Variants in GPATCH8 observed in about 807,000 individuals in gnomAD.
GPATCH8 encodes G patch domain-containing protein 8.
A neutral mutation model predicts 118.3 loss-of-function variants in GPATCH8; 18 were observed. The ratio of observed to expected loss-of-function variants is 0.15; its 90% CI spans 0.11 to 0.23. GPATCH8 has a LOEUF of 0.23. Among genes scored for constraint, GPATCH8 ranks in the 10% least tolerant of loss-of-function variants. The pLI is 1.00. For missense variants in GPATCH8, 1,631 were observed against 1,873.8 expected (o/e 0.87, Z 2.39); for synonymous variants, 659 against 684.7 (o/e 0.96, Z 0.59).
chr17:44,409,839 G>A (rs1445118351), intron 6 of GPATCH8, among the ~76,000 whole-genome samples: 10 of 152,212 alleles, frequency 6.6e-5, no homozygotes, highest in Admixed American at 4.6e-4. Flanking sequence ...AATCAACCCC[G>A]CAGTGCACAA....
chr17:44,424,055 A>C (rs887974559), intron 6 of GPATCH8, among the ~76,000 whole-genome samples: 3 of 152,244 alleles, frequency 2.0e-5, no homozygotes, highest in African/African-American at 7.2e-5. Flanking sequence ...AGTGACCCTC[A>C]GCTGAATTAC....
At position 44,467,339 on chromosome 17, in the gene GPATCH8, GA is replaced by G. The variant is rs546506712; in HGVS notation, c.121-2796del. Reference sequence around the variant, plus strand: ...AAAGCAAATGTTAAAGGGAGAGGGAGAAAAAAAAGAAAAAATTAAGGTTATA... The same window carrying G: ...AAAGCAAATGTTAAAGGGAGAGGGAGAAAAAAAGAAAAAATTAAGGTTATA... On this transcript the variant is annotated intron_variant, in intron 2 of 7. Coordinates refer to ENST00000591680, the MANE Select transcript of GPATCH8 (RefSeq NM_001002909.4). 377 of 236,660 alleles carry G rather than the reference GA, an allele frequency of 1.6e-3. 1 individual carries two copies. Among genetic ancestry groups the G allele is most frequent in the African/African-American group, 7.9e-3 (352 of 44,736 alleles). The allele number at this position is 236,660 out of a possible 1,614,324, so 14.7% of individuals were successfully genotyped here. A position where few individuals can be genotyped will look rare whatever the true frequency, so the allele number is the denominator to read the frequency against.
intron 6 of GPATCH8, among the ~76,000 whole-genome samples, chr17:44,408,001 C>T (rs780110923): frequency 2.0e-5 from 3 of 152,020 alleles, no homozygotes; most frequent in Non-Finnish European, 4.4e-5. Context: ...GAAGGATCAA[C>T]TATTTTAAAT....
At chr17:44,449,593 C>T (rs569360247) in intron 3 of GPATCH8, among the ~76,000 whole-genome samples, 22 of 151,468 alleles carry the variant, frequency 1.5e-4, no homozygotes, top group South Asian at 1.3e-3. Context: ...CTTGGCTCAC[C>T]GCAACCTCCG....
At chr17:44,433,081 C>T (rs909299104) in intron 5 of GPATCH8, among the ~76,000 whole-genome samples, 13 of 151,910 alleles carry the variant, frequency 8.6e-5, no homozygotes, top group African/African-American at 3.1e-4. Flanking sequence ...CTCCTGGGCT[C>T]AAGCAATCCT....
intron 6 of GPATCH8, among the ~76,000 whole-genome samples, chr17:44,416,319 AT>A (rs35752663): frequency 0.6 from 91,689 of 151,702 alleles, 27,903 homozygotes; most frequent in Middle Eastern, 0.67. Flanking sequence ...CCTTCAGCAG[AT>A]TTTTTTTTAA....
chr17:44,496,475 G>A (rs1190756589), intron 1 of GPATCH8, among the ~76,000 whole-genome samples: 1 of 152,182 alleles, frequency 6.6e-6, no homozygotes, highest in African/African-American at 2.4e-5. Flanking sequence ...TTACCAAAGA[G>A]TCACAAGGAT....
chr17:44,453,592 C>T (rs766879807), intron 3 of GPATCH8, among the ~76,000 whole-genome samples: 1 of 151,548 alleles, frequency 6.6e-6, no homozygotes, highest in South Asian at 2.1e-4. Flanking sequence ...CTCGCAATGA[C>T]ACGGCACCCT....
At chr17:44,422,525 T>C (rs2049945922) in intron 6 of GPATCH8, among the ~76,000 whole-genome samples, 1 of 151,896 alleles carries the variant, frequency 6.6e-6, no homozygotes, top group Non-Finnish European at 1.5e-5. Flanking sequence ...AGTCTTGCTC[T>C]GTCACCCAGG....
intron 3 of GPATCH8, among the ~76,000 whole-genome samples, chr17:44,454,019 C>A (rs868302146): frequency 6.6e-6 from 1 of 152,206 alleles, no homozygotes; most frequent in South Asian, 2.1e-4. Flanking sequence ...ATTAGCCACA[C>A]CTACTCTTTG....
At chr17:44,467,179 T>C (rs985986481) in intron 2 of GPATCH8, 24 of 611,622 alleles carry the variant, frequency 3.9e-5, no homozygotes, top group Admixed American at 8.2e-5. Context: ...TGGTCGTTTT[T>C]TTTTTTGTCT....
chr17:44,440,237 C>A (rs1198524378), intron 3 of GPATCH8, among the ~76,000 whole-genome samples: 2 of 152,148 alleles, frequency 1.3e-5, no homozygotes, highest in Non-Finnish European at 2.9e-5. Context: ...TAAATAATCT[C>A]CTTAAAAGAA....
rs2048909833 is a variant in GPATCH8, at chr17:44,399,244, G to C, written c.2833C>G (p.Arg945Gly). The change falls in exon 8 of 8, where the codon CGA becomes GGA. Residue 945 changes from arginine (R) to glycine (G), a missense_variant. Coordinates refer to ENST00000591680, the MANE Select transcript of GPATCH8 (RefSeq NM_001002909.4). ...YSLSCSQSRS[R>G]SRSHTRERSR... ...CGCTCTCTGGTATGACTCCGAGATC[G>C]GCTTCGGGACTGGCTGCAACTGAGG... 1.2e-6 allele frequency: 2 copies of C among 1,613,928 alleles called. No individual in the cohort carries two copies. The highest frequency in any genetic ancestry group is 1.7e-6 in the Non-Finnish European group (2 of 1,179,992).
intron 2 of GPATCH8, among the ~76,000 whole-genome samples, chr17:44,468,390 T>C (rs2144332425): frequency 7.6e-6 from 1 of 131,472 alleles, no homozygotes; most frequent in African/African-American, 3.0e-5. Context: ...TTTTTTTTTT[T>C]TTTTTTTTTT....
rs377630603 is a variant in GPATCH8 at position 44,399,202 on chromosome 17, G to T, written c.2875C>A (p.Arg959Ser). 8.7e-6 allele frequency: 14 copies of T among 1,613,618 alleles called. No individual in the cohort carries two copies. The highest frequency in any genetic ancestry group is 5.3e-5 in the African/African-American group (4 of 74,888). Reference sequence around the variant, plus strand: ...CGACTACAACTGCTGCTGCGGCTGCGGCCCCGGGATCTTGAGCGCTCTCTG... The same window carrying T: ...CGACTACAACTGCTGCTGCGGCTGCTGCCCCGGGATCTTGAGCGCTCTCTG... ...HTRERSRSRG[R>S]SRSSSCSRSR... Residue 959 changes from arginine to serine, a missense_variant, in exon 8 of 8, where the codon CGC becomes AGC. Around this residue, in one of 8 missense-constraint regions of GPATCH8, gnomAD observed 922 missense variants for 879.7 expected, o/e 1.05. Coordinates refer to ENST00000591680, the MANE Select transcript of GPATCH8 (RefSeq NM_001002909.4).
chr17:44,485,028 T>C (rs757671512), intron 1 of GPATCH8, among the ~76,000 whole-genome samples: 1 of 151,864 alleles, frequency 6.6e-6, no homozygotes, highest in Non-Finnish European at 1.5e-5. Flanking sequence ...TAGCCCAGAA[T>C]GGTCTCGAAC....
At chr17:44,440,473 G>A (rs552485646) in intron 3 of GPATCH8, among the ~76,000 whole-genome samples, 3 of 152,196 alleles carry the variant, frequency 2.0e-5, no homozygotes, top group East Asian at 1.9e-4. Context: ...ACAGTAGCAC[G>A]ATCAGCTCAC....
Position 44,400,992 on chromosome 17 carries a change from T to G in GPATCH8, c.1085A>C (p.Glu362Ala), listed in dbSNP as rs141171947. ...AAGGGACCCTCCATCCTGAGGGTCT[T>G]CATCCTCTTTTTTACCATCAAGATT... ...SSNLDGKKED[E>A]DPQDGGSLAS... The change falls in exon 8 of 8, where the codon GAA (glutamate) becomes GCA (alanine). Residue 362 changes from glutamate to alanine, a missense_variant. Glu to Ala is a moderately radical substitution (Grantham distance 107, BLOSUM62 -1). This residue lies in a region of GPATCH8 where 405 missense variants were observed against 462.7 expected (regional missense o/e 0.88). Coordinates refer to ENST00000591680, the MANE Select transcript of GPATCH8 (RefSeq NM_001002909.4). The G allele has an allele frequency of 8.1e-6, 13 of 1,613,054 alleles. No homozygotes were observed. The highest frequency in any genetic ancestry group is 1.1e-5 in the South Asian group (1 of 91,050).
chr17:44,411,761 T>C (rs1308314968), intron 6 of GPATCH8, among the ~76,000 whole-genome samples: 1 of 152,186 alleles, frequency 6.6e-6, no homozygotes, highest in East Asian at 1.9e-4. Flanking sequence ...AACTATGCAA[T>C]GTACACATAG....
Sources: allele counts gnomAD v4.1 joint callset (sites outside exome capture counted in the v4.1 genomes callset), GRCh38; gene constraint gnomAD v4.1.1; regional missense constraint gnomAD v4.1.1; transcripts MANE v1.5; gene names NCBI Gene and HGNC (gene_info 2026-07-23, HGNC 2026-07-21).